Variants in GYS2 observed in about 807,000 individuals in gnomAD.
GYS2 encodes glycogen synthase 2, also known as glycogen [starch] synthase, liver.
A neutral mutation model predicts 85.6 loss-of-function variants in GYS2; 80 were observed. The ratio of observed to expected loss-of-function variants is 0.93; its 90% CI spans 0.78 to 1.13. The LOEUF is 1.13. Among genes scored for constraint, GYS2 ranks in the 50% most tolerant of loss-of-function variants. The probability of loss-of-function intolerance (pLI) is 0.00; values close to 1 mark genes in which losing one functional copy is unlikely to be tolerated. For missense variants in GYS2, 881 were observed against 854.9 expected (o/e 1.03, Z -0.38); for synonymous variants, 328 against 300.7 (o/e 1.09, Z -0.94).
chr12:21,604,743 T>C lies in GYS2; in HGVS notation c.-151A>G. The C allele has an allele frequency of 6.8e-7, 1 of 1,464,134 alleles. No individual in the cohort carries two copies. Among genetic ancestry groups the C allele is most frequent in the Non-Finnish European group, 9.1e-7 (1 of 1,103,794 alleles). 90.7% of individuals were successfully genotyped at this position (1,464,134 alleles called of 1,614,324 possible). Reference sequence around the variant, plus strand: ...GGGAATAAACTAGTAGCATGAAATCTTATGTGCTTCCCACAGAATTCCTGG... The same window carrying C: ...GGGAATAAACTAGTAGCATGAAATCCTATGTGCTTCCCACAGAATTCCTGG... On this transcript the variant is annotated 5_prime_UTR_variant, in exon 1 of 16. Transcript: ENST00000261195.
Position 21,575,888 on chromosome 12 carries a change from A to G in GYS2, c.473T>C (p.Leu158Ser). Reference protein sequence around the residue: ...EANDMLIFGSLTAWFLKEVTD... With the variant: ...EANDMLIFGSSTAWFLKEVTD... ...TACCTCTTTTAAGAACCAGGCAGTT[A>G]AAGATCCAAATATCAGCATATCATT... Residue 158 changes from leucine (L) to serine (S), a missense_variant, in exon 3 of 16, where the codon TTA (leucine) becomes TCA (serine). Coordinates refer to ENST00000261195, the MANE Select transcript of GYS2 (RefSeq NM_021957.4). 1 of 1,613,632 alleles carries G rather than the reference A, an allele frequency of 6.2e-7. No homozygotes were observed. Among genetic ancestry groups the G allele is most frequent in the Non-Finnish European group, 8.5e-7 (1 of 1,179,608 alleles).
At chr12:21,539,439 G>A in intron 14 of GYS2, 101 bp from the exon 15 acceptor site, 2 of 762,228 alleles carry the variant, frequency 2.6e-6, no homozygotes, top group Admixed American at 1.9e-5. Context: ...TGAAACATAT[G>A]TATTTTTTAA....
chr12:21,541,280 A>AC (rs1374880630), intron 13 of GYS2, among the ~76,000 whole-genome samples: 2 of 140,166 alleles, frequency 1.4e-5, no homozygotes, highest in Non-Finnish European at 3.2e-5. Flanking sequence ...AAAAAAAAAA[A>AC]AAAAAAAAAA....
chr12:21,552,338 A>G (rs1026197381), intron 11 of GYS2, among the ~76,000 whole-genome samples: 1 of 152,258 alleles, frequency 6.6e-6, no homozygotes, highest in Non-Finnish European at 1.5e-5. Context: ...AGCTAAGGCA[A>G]AATGATAAAT....
In GYS2 at chr12:21,580,366, G is replaced by C. The variant is rs779704436; in HGVS notation, c.279C>G (p.Asp93Glu). The C allele has an allele frequency of 1.2e-6, 2 of 1,613,438 alleles. No homozygotes were observed. Among genetic ancestry groups the C allele is most frequent in the Non-Finnish European group, 1.7e-6 (2 of 1,179,692 alleles). ...CCTGGCAGCCATGCTTATTCATTGC[G>C]TCCACTGCTCTTCTGACAGCATCAT... is the stretch of plus-strand genomic sequence containing the variant. ...PVNDAVRRAV[D>E]AMNKHGCQVH... The change falls in exon 2 of 16, where the codon GAC becomes GAG. Residue 93 changes from aspartate to glutamate, a missense_variant. Physicochemically the swap from Asp to Glu is conservative, Grantham distance 45. Coordinates refer to ENST00000261195, the MANE Select transcript of GYS2 (RefSeq NM_021957.4).
At position 21,540,537 on chromosome 12, in the gene GYS2, T is replaced by C; in HGVS notation, c.1682A>G (p.Asp561Gly). 1 of 1,613,832 alleles carries C rather than the reference T, an allele frequency of 6.2e-7. No homozygotes were observed. The highest frequency in any genetic ancestry group is 8.5e-7 in the Non-Finnish European group (1 of 1,179,744). ...CTTAGTCAGCTGATTGCAAGAATCA[T>C]CTGGAGAACGGAACCGCCTGTCAAC... is the stretch of plus-strand genomic sequence containing the variant. ...YIVDRRFRSP[D>G]DSCNQLTKFL... Residue 561 changes from aspartate (D) to glycine (G), a missense_variant, in exon 14 of 16, where the codon GAT becomes GGT. By Grantham distance (94) the Asp-to-Gly change is moderately conservative. Coordinates refer to ENST00000261195, the MANE Select transcript of GYS2 (RefSeq NM_021957.4).
At chr12:21,555,277 A>G (rs1944164846) in intron 11 of GYS2, among the ~76,000 whole-genome samples, 1 of 152,132 alleles carries the variant, frequency 6.6e-6, no homozygotes, top group Admixed American at 6.5e-5. Context: ...TGGATATAAT[A>G]ATACTAAAAA....
chr12:21,596,166 T>G (rs1324606578), intron 1 of GYS2, among the ~76,000 whole-genome samples: 1 of 152,132 alleles, frequency 6.6e-6, no homozygotes, highest in Non-Finnish European at 1.5e-5. Context: ...AACAGAATTC[T>G]ACTAGACATT....
intron 5 of GYS2, among the ~76,000 whole-genome samples, chr12:21,568,048 G>T (rs757748226): frequency 6.3e-4 from 96 of 152,028 alleles, no homozygotes; most frequent in Admixed American, 2.3e-3. Context: ...CTCCAGCCTG[G>T]GCAATGGAGC....
intron 15 of GYS2, among the ~76,000 whole-genome samples, chr12:21,537,915 C>T (rs180931929): frequency 3.9e-4 from 59 of 152,182 alleles, no homozygotes; most frequent in African/African-American, 8.4e-4. Flanking sequence ...AGTGTTATAG[C>T]GCTCGTCACT....
intron 1 of GYS2, among the ~76,000 whole-genome samples, chr12:21,600,855 A>T (rs887966189): frequency 3.3e-5 from 5 of 152,088 alleles, no homozygotes; most frequent in African/African-American, 1.2e-4. Context: ...AGTTTTCTGA[A>T]TTCTTCCCTG....
In GYS2 at chr12:21,539,318, G is replaced by T. The variant is rs764112151; in HGVS notation, c.1830C>A (p.His610Gln). The change falls in exon 15 of 16, where the codon CAC (histidine) becomes CAA (glutamine). Residue 610 changes from histidine to glutamine, a missense_variant. Physicochemically the swap from His to Gln is conservative, Grantham distance 24 (BLOSUM62 0). Transcript: ENST00000261195. ...CTGGAAAAGCTCTGCTTAATGTCAG[G>T]TGTCTGGCATGCTGGTAATACTATT... The part of the protein sequence containing the change: ...YLGRYYQHAR[H>Q]LTLSRAFPDK... 1.2e-6 allele frequency: 2 copies of T among 1,601,086 alleles called. No individual in the cohort carries two copies. The highest frequency in any genetic ancestry group is 2.2e-5 in the South Asian group (2 of 90,796).
intron 4 of GYS2, among the ~76,000 whole-genome samples, chr12:21,569,567 A>G (rs1010962381): frequency 5.9e-5 from 9 of 152,206 alleles, no homozygotes; most frequent in African/African-American, 1.9e-4. Context: ...AGATTATGCA[A>G]TTATCTATGC....
chr12:21,540,551 C>T lies in GYS2; in HGVS notation c.1668G>A (p.Arg556=), dbSNP rs1431688838. Reference sequence around the variant, plus strand: ...TGCAAGAATCATCTGGAGAACGGAACCGCCTGTCAACGATGTAAATACCTG... The same window carrying T: ...TGCAAGAATCATCTGGAGAACGGAATCGCCTGTCAACGATGTAAATACCTG... ...TAYGIYIVDR[R]FRSPDDSCNQ... The change falls in exon 14 of 16, where the codon CGG becomes CGA. Residue 556 remains arginine, a synonymous_variant. Coordinates refer to ENST00000261195, the MANE Select transcript of GYS2 (RefSeq NM_021957.4). 1 of 1,613,986 alleles carries T rather than the reference C, an allele frequency of 6.2e-7. No homozygotes were observed. The highest frequency in any genetic ancestry group is 1.1e-5 in the South Asian group (1 of 91,078).
chr12:21,604,269 C>A (rs1194696720), intron 1 of GYS2, among the ~76,000 whole-genome samples: 1 of 152,020 alleles, frequency 6.6e-6, no homozygotes, highest in Admixed American at 6.6e-5. Context: ...AACTTTCTCC[C>A]TCTTCAACAC....
chr12:21,576,881 T>G (rs971408353), intron 2 of GYS2, among the ~76,000 whole-genome samples: 1 of 152,204 alleles, frequency 6.6e-6, no homozygotes, highest in Non-Finnish European at 1.5e-5. Flanking sequence ...ATATACAACC[T>G]CATAAACCAC....
chr12:21,563,030 T>G lies in GYS2; in HGVS notation c.950A>C (p.Asp317Ala). 6.2e-7 allele frequency: 1 copy of G among 1,611,030 alleles called. No individual in the cohort carries two copies. Among genetic ancestry groups the G allele is most frequent in the Non-Finnish European group, 8.5e-7 (1 of 1,177,432 alleles). ...GAACAAAGTCTTTTCAAGATCAAAGTCGAGATGACTAAAACAAAACAAAAC... is the reference window on the plus strand; with the variant it reads ...GAACAAAGTCTTTTCAAGATCAAAGGCGAGATGACTAAAACAAAACAAAAC... ...FVRGHFYGHL[D>A]FDLEKTLFLF... Residue 317 changes from aspartate to alanine, a missense_variant, in exon 7 of 16, where the codon GAC becomes GCC. Physicochemically the swap from Asp to Ala is moderately radical, Grantham distance 126 (BLOSUM62 -2). Coordinates refer to ENST00000261195, the MANE Select transcript of GYS2 (RefSeq NM_021957.4).
chr12:21,593,866 A>G (rs1944666682), intron 1 of GYS2, among the ~76,000 whole-genome samples: 1 of 152,150 alleles, frequency 6.6e-6, no homozygotes, highest in Non-Finnish European at 1.5e-5. Flanking sequence ...ATCCTCAACA[A>G]AATACTAGCA....
chr12:21,542,509 A>G lies in GYS2; in HGVS notation c.1632T>C (p.Asp544=). 1 of 1,611,084 alleles carries G rather than the reference A, an allele frequency of 6.2e-7. No homozygotes were observed. The highest frequency in any genetic ancestry group is 8.5e-7 in the Non-Finnish European group (1 of 1,177,210). ...GAAAACCCTCACCGTAAGCAGTAGG[A>G]TCAGCCACGTGCTCCTGCATGAAAC... ...FGCFMQEHVA[D]PTAYGIYIVD... is the part of the protein sequence containing the mutation. Residue 544 remains aspartate (D), a synonymous_variant, in exon 13 of 16, where the codon GAT becomes GAC. Coordinates refer to ENST00000261195, the MANE Select transcript of GYS2 (RefSeq NM_021957.4).
Sources: allele counts gnomAD v4.1 joint callset (sites outside exome capture counted in the v4.1 genomes callset), GRCh38; gene constraint gnomAD v4.1.1; transcripts MANE v1.5; gene names NCBI Gene and HGNC (gene_info 2026-07-23, HGNC 2026-07-21).